AHNAK: variants seen among roughly 807,000 people sequenced by gnomAD.
AHNAK encodes the protein AHNAK nucleoprotein.
AHNAK carries 23 observed loss-of-function variants against 37.8 expected under a neutral mutation model. The ratio of observed to expected loss-of-function variants is 0.61; its 90% CI spans 0.44 to 0.86. The LOEUF is 0.86. Among genes scored for constraint, AHNAK ranks in the 40% least tolerant of loss-of-function variants. AHNAK has a pLI of 0.00. For synonymous variants in AHNAK, 2,481 were observed against 2,636.3 expected, an observed-to-expected ratio of 0.94 and a Z score of 1.80; for missense variants, 7,411 against 7,319.4, an observed-to-expected ratio of 1.01 and a Z score of -0.46.
Position 62,517,485 on chromosome 11 carries a change from C to T in AHNAK, c.16932G>A (p.Gly5644=). ...GLQAPGLSVS[G]PQGHLESGSG... ...ATCCACTTTCCAAGTGACCTTGAGG[C>T]CCAGACACACTCAGCCCAGGAGCCT... The change falls in exon 5 of 5, where the codon GGG becomes GGA. Residue 5644 remains glycine (G), a synonymous_variant. Coordinates refer to ENST00000378024, the MANE Select transcript of AHNAK (RefSeq NM_001620.3). 6.2e-7 allele frequency: 1 copy of T among 1,614,120 alleles called. No individual in the cohort carries two copies. The highest frequency in any genetic ancestry group is 2.2e-5 in the East Asian group (1 of 44,876).
intron 5 of AHNAK, among the ~76,000 whole-genome samples, chr11:62,480,887 G>T (rs140480819): frequency 2.7e-4 from 40 of 148,580 alleles, no homozygotes; most frequent in African/African-American, 9.5e-4. Flanking sequence ...AGAAATGCTC[G>T]TTGCCTAGGC....
chr11:62,535,266 G>A, intron 3 of AHNAK, 76 bp from the exon 4 acceptor site: 2 of 1,339,124 alleles, frequency 1.5e-6, no homozygotes, highest in South Asian at 2.6e-5. Flanking sequence ...CACACACTGG[G>A]CACTGAACTG....
Position 62,490,765 on chromosome 11 carries a change from A to C in AHNAK, c.442+967T>G, listed in dbSNP as rs546981915. On this transcript the variant is annotated intron_variant, in intron 5 of 5. Coordinates refer to the AHNAK transcript ENST00000257247. Reference sequence around the variant, plus strand: ...ATGACAAAATGTTGAGAGGCCATACATTCCATATTTTTGTTTATTGTTTTG... The same window carrying C: ...ATGACAAAATGTTGAGAGGCCATACCTTCCATATTTTTGTTTATTGTTTTG... Among the ~76,000 whole-genome samples the C allele has an allele frequency of 2.6e-5, 4 of 151,952 alleles. No homozygotes were observed. In the East Asian group the frequency reaches 7.7e-4, roughly 29 times the overall value.
chr11:62,443,576 C>CT (rs1938359820), intron 5 of AHNAK, among the ~76,000 whole-genome samples: 1 of 152,128 alleles, frequency 6.6e-6, no homozygotes, highest in South Asian at 2.1e-4. Context: ...CCGGCTGGGT[C>CT]TTGCTCATCT....
chr11:62,533,764 G>A lies in AHNAK; in HGVS notation c.653C>T (p.Thr218Ile). The change falls in exon 5 of 5, where the codon ACA (threonine) becomes ATA (isoleucine). Residue 218 changes from threonine (T) to isoleucine (I), a missense_variant. By Grantham distance (89) the Thr-to-Ile change is moderately conservative (BLOSUM62 -1). Coordinates refer to ENST00000378024, the MANE Select transcript of AHNAK (RefSeq NM_001620.3). ...TGCTCGGATATCCACAGCAGAGCCTGTCGGAGAGGCTGCCCCCGAGCCCGA... is the reference window on the plus strand; with the variant it reads ...TGCTCGGATATCCACAGCAGAGCCTATCGGAGAGGCTGCCCCCGAGCCCGA... The part of the protein sequence containing the change: ...LPSGSGAASP[T>I]GSAVDIRAGA... 1.9e-6 allele frequency: 3 copies of A among 1,614,202 alleles called. No homozygotes were observed. Among genetic ancestry groups the A allele is most frequent in the Non-Finnish European group, 1.7e-6 (2 of 1,180,046 alleles).
Position 62,525,237 on chromosome 11 carries a change from A to G in AHNAK, c.9180T>C (p.Ile3060=), listed in dbSNP as rs1249384978. 5 of 1,610,686 alleles carry G rather than the reference A, an allele frequency of 3.1e-6. No homozygotes were observed. The South Asian group carries it at 5.5e-5, about 18-fold the overall frequency. Residue 3060 remains isoleucine, a synonymous_variant, in exon 5 of 5, where the codon ATT becomes ATC. Coordinates refer to ENST00000378024, the MANE Select transcript of AHNAK (RefSeq NM_001620.3). ...DLDVSGPKVD[I]DVPDVNIEGP... The stretch of plus-strand genomic sequence containing the variant: ...CTTCGATATTCACATCTGGAACATC[A>G]ATGTCCACCTTGGGTCCTGAGACAT...
At position 62,520,433 on chromosome 11, in the gene AHNAK, T is replaced by C. The variant is rs760374108; in HGVS notation, c.13984A>G (p.Met4662Val). The change falls in exon 5 of 5, where the codon ATG becomes GTG. Residue 4662 changes from methionine to valine, a missense_variant. Coordinates refer to ENST00000378024, the MANE Select transcript of AHNAK (RefSeq NM_001620.3). ...GGGCCCTCTCCTTTGAAGCCAGGCA[T>C]GCTGAACTTGGGCATTTTCACTTTG... ...MPKVKMPKFS[M>V]PGFKGEGPDV... is the part of the protein sequence containing the mutation. 2.5e-6 allele frequency: 4 copies of C among 1,613,962 alleles called. No individual in the cohort carries two copies. The East Asian group carries it at 8.9e-5, about 36-fold the overall frequency.
chr11:62,525,362 G>A lies in AHNAK; in HGVS notation c.9055C>T (p.His3019Tyr). The A allele has an allele frequency of 6.2e-7, 1 of 1,613,276 alleles. No individual in the cohort carries two copies. Among genetic ancestry groups the A allele is most frequent in the South Asian group, 1.1e-5 (1 of 91,040 alleles). The change falls in exon 5 of 5, where the codon CAC becomes TAC. Residue 3019 changes from histidine (H) to tyrosine (Y), a missense_variant. His to Tyr is a moderately conservative substitution (Grantham distance 83). Coordinates refer to ENST00000378024, the MANE Select transcript of AHNAK (RefSeq NM_001620.3). ...PDVGVQGPDW[H>Y]LKMPKVKMPK... ...ATTTTCACTTTGGGCATTTTTAGGT[G>A]CCAGTCTGGGCCTTGAACGCCCACA...
chr11:62,444,333 G>A (rs886838431), intron 5 of AHNAK, among the ~76,000 whole-genome samples: 1 of 152,182 alleles, frequency 6.6e-6, no homozygotes, highest in Non-Finnish European at 1.5e-5. Context: ...GTGAGTGCCC[G>A]GCCTCTGCCA....
chr11:62,473,414 G>C (rs951898898), intron 5 of AHNAK, among the ~76,000 whole-genome samples: 1 of 132,476 alleles, frequency 7.5e-6, no homozygotes, highest in Non-Finnish European at 1.6e-5. Context: ...AAAAAAAAAA[G>C]GCTGGGTGCG....
chr11:62,521,676 C>T lies in AHNAK; in HGVS notation c.12741G>A (p.Met4247Ile). 6.2e-7 allele frequency: 1 copy of T among 1,614,036 alleles called. No homozygotes were observed. Among genetic ancestry groups the T allele is most frequent in the Non-Finnish European group, 8.5e-7 (1 of 1,180,022 alleles). ...DAKLKGPKFK[M>I]PEMNIKAPKI... ...TGGGGGCTTTGATGTTCATCTCAGG[C>T]ATCTTGAATTTAGGGCCCTTTAGTT... The change falls in exon 5 of 5, where the codon ATG becomes ATA. Residue 4247 changes from methionine (M) to isoleucine (I), a missense_variant. Physicochemically the swap from Met to Ile is conservative, Grantham distance 10. Transcript: ENST00000378024.
Position 62,517,407 on chromosome 11 carries a change from G to A in AHNAK, c.17010C>T (p.Gly5670=). 6.2e-7 allele frequency: 1 copy of A among 1,614,142 alleles called. No individual in the cohort carries two copies. The highest frequency in any genetic ancestry group is 8.5e-7 in the Non-Finnish European group (1 of 1,180,020). The change falls in exon 5 of 5, where the codon GGC becomes GGT. Residue 5670 remains glycine, a synonymous_variant. Coordinates refer to ENST00000378024, the MANE Select transcript of AHNAK (RefSeq NM_001620.3). ...CCATTTCTCTGCCAACCAGCTCACG[G>A]CCAGAGAAGGTAAATTTGGGGATCT... is the stretch of plus-strand genomic sequence containing the variant. The part of the protein sequence containing the change: ...KMKIPKFTFS[G]RELVGREMGV...
intron 5 of AHNAK, among the ~76,000 whole-genome samples, chr11:62,455,923 C>A (rs753990251): frequency 1.3e-5 from 2 of 151,528 alleles, no homozygotes; most frequent in African/African-American, 4.9e-5. Context: ...CCTGTAATCC[C>A]AGCTACTTGA....
intron 1 of AHNAK, among the ~76,000 whole-genome samples, chr11:62,537,977 G>A (rs1383903328): frequency 4.6e-5 from 7 of 151,934 alleles, no homozygotes; most frequent in Non-Finnish European, 5.9e-5. Flanking sequence ...CACCGCACCC[G>A]GCCGACCGAG....
chr11:62,506,711 T>C (rs1415480001), intron 4 of AHNAK, among the ~76,000 whole-genome samples: 1 of 152,134 alleles, frequency 6.6e-6, no homozygotes, highest in Non-Finnish European at 1.5e-5. Flanking sequence ...TGGGTGGGGC[T>C]CGTTACAATT....
At position 62,521,829 on chromosome 11, in the gene AHNAK, G is replaced by C; in HGVS notation, c.12588C>G (p.Phe4196Leu). The C allele has an allele frequency of 6.2e-7, 1 of 1,613,328 alleles. No homozygotes were observed. ...CCTCTCCTTTGAAGCCAGGCATGCT[G>C]AACTTGGGCATTTTCACTTTGGGCA... The part of the protein sequence containing the change: ...LKMPKVKMPK[F>L]SMPGFKGEGP... The change falls in exon 5 of 5, where the codon TTC (phenylalanine) becomes TTG (leucine). Residue 4196 changes from phenylalanine to leucine, a missense_variant. Coordinates refer to ENST00000378024, the MANE Select transcript of AHNAK (RefSeq NM_001620.3).
intron 5 of AHNAK, chr11:62,433,948 A>C: frequency 6.3e-7 from 1 of 1,596,998 alleles, no homozygotes; most frequent in Non-Finnish European, 8.5e-7. Context: ...TCTCTCCATA[A>C]AATCAGAAGA....
intron 4 of AHNAK, 38 bp from the exon 5 acceptor site, chr11:62,534,112 T>C (rs1940868012): frequency 1.3e-6 from 2 of 1,509,278 alleles, no homozygotes; most frequent in South Asian, 2.7e-5. Context: ...TGCAGCAGAG[T>C]CTGCCTGAGT....
Position 62,524,056 on chromosome 11 carries a change from G to A in AHNAK, c.10361C>T (p.Pro3454Leu). ...FKGPKVDIKAPEVNLNAPDVD... is the reference protein window; with the variant it reads ...FKGPKVDIKALEVNLNAPDVD... ...ATCAGGTGCATTAAGATTGACTTCTGGTGCCTTAATATCCACTTTGGGGCC... is the reference window on the plus strand; with the variant it reads ...ATCAGGTGCATTAAGATTGACTTCTAGTGCCTTAATATCCACTTTGGGGCC... The change falls in exon 5 of 5, where the codon CCA becomes CTA. Residue 3454 changes from proline to leucine, a missense_variant. Coordinates refer to ENST00000378024, the MANE Select transcript of AHNAK (RefSeq NM_001620.3). 1 of 1,614,006 alleles carries A rather than the reference G, an allele frequency of 6.2e-7. No individual in the cohort carries two copies. Among genetic ancestry groups the A allele is most frequent in the Non-Finnish European group, 8.5e-7 (1 of 1,179,988 alleles).
Sources: gnomAD v4.1 joint callset for allele counts (sites outside exome capture counted in the v4.1 genomes callset) on GRCh38, gnomAD v4.1.1 for gene constraint, MANE v1.5 for transcripts, NCBI Gene and HGNC (gene_info 2026-07-23, HGNC 2026-07-21) for gene names.